Variants in CCDC85A observed in about 807,000 individuals in gnomAD.
The protein encoded by CCDC85A is coiled-coil domain-containing protein 85A.
A neutral mutation model predicts 50.2 loss-of-function variants in CCDC85A; 38 were observed. The ratio of observed to expected loss-of-function variants is 0.76; its 90% CI spans 0.58 to 0.99. The LOEUF (loss-of-function observed/expected upper bound fraction) is 0.99, where lower values mean the gene tolerates loss of function less well. CCDC85A is among the 50% of genes least tolerant of loss of function. The pLI is 0.00. For missense variants in CCDC85A, 820 were observed against 742.0 expected (o/e 1.11, Z -1.22); for synonymous variants, 366 against 301.4 (o/e 1.21, Z -2.22).
chr2:56,199,996 G>A (rs760253608), intron 2 of CCDC85A, among the ~76,000 whole-genome samples: 7 of 152,222 alleles, frequency 4.6e-5, no homozygotes, highest in African/African-American at 7.2e-5. Context: ...AGCTTCCTGA[G>A]TAGCTGGGAT....
At chr2:56,297,008 T>G (rs549041566) in intron 2 of CCDC85A, among the ~76,000 whole-genome samples, 1 of 152,328 alleles carries the variant, frequency 6.6e-6, no homozygotes, top group South Asian at 2.1e-4. Context: ...TTTAATCATT[T>G]TTATTGTATA....
intron 3 of CCDC85A, among the ~76,000 whole-genome samples, chr2:56,368,066 C>A (rs1202397196): frequency 6.6e-6 from 1 of 152,098 alleles, no homozygotes; most frequent in Non-Finnish European, 1.5e-5. Flanking sequence ...TCTCTTTCAA[C>A]AAAAATTCGT....
chr2:56,225,336 G>T (rs933529500), intron 2 of CCDC85A, among the ~76,000 whole-genome samples: 1 of 152,086 alleles, frequency 6.6e-6, no homozygotes, highest in Non-Finnish European at 1.5e-5. Flanking sequence ...TGAGGCAGGA[G>T]AATCACTTGA....
At chr2:56,294,246 A>G (rs1486226024) in intron 2 of CCDC85A, among the ~76,000 whole-genome samples, 4 of 152,116 alleles carry the variant, frequency 2.6e-5, no homozygotes, top group African/African-American at 4.8e-5. Flanking sequence ...ATGAGAACAC[A>G]TGGACACAAG....
intron 3 of CCDC85A, among the ~76,000 whole-genome samples, chr2:56,356,271 G>T (rs925543746): frequency 6.6e-6 from 1 of 152,208 alleles, no homozygotes; most frequent in African/African-American, 2.4e-5. Flanking sequence ...TTCTCACAAA[G>T]AGTTTTAAGC....
At chr2:56,373,821 A>G (rs979655097) in intron 4 of CCDC85A, among the ~76,000 whole-genome samples, 4 of 152,200 alleles carry the variant, frequency 2.6e-5, no homozygotes, top group Admixed American at 6.5e-5. Flanking sequence ...GAGTGGTACC[A>G]GGAGGAAAAG....
At chr2:56,257,421 G>C (rs968320203) in intron 2 of CCDC85A, among the ~76,000 whole-genome samples, 1 of 152,222 alleles carries the variant, frequency 6.6e-6, no homozygotes, top group Admixed American at 6.5e-5. Flanking sequence ...TGTTATGGTG[G>C]GATAGTGAAA....
chr2:56,384,626 G>T lies in CCDC85A; in HGVS notation c.*271G>T. The T allele has an allele frequency of 3.0e-6, 1 of 331,298 alleles. No homozygotes were observed. The allele number at this position is 331,298 out of a possible 1,614,324, so 20.5% of individuals were successfully genotyped here. ...GAGTAGCTTTGAAAATCAACATTTT[G>T]GTACCAGTGTTTTCATTAGAAATAA... On this transcript the variant is annotated 3_prime_UTR_variant, in exon 6 of 6. Coordinates refer to ENST00000407595, the MANE Select transcript of CCDC85A (RefSeq NM_001080433.2).
At chr2:56,270,030 T>C (rs1670630365) in intron 2 of CCDC85A, among the ~76,000 whole-genome samples, 1 of 152,188 alleles carries the variant, frequency 6.6e-6, no homozygotes, top group South Asian at 2.1e-4. Context: ...TCATTTTGTG[T>C]AGAAATAGCC....
At chr2:56,380,573 A>G (rs990612992) in intron 5 of CCDC85A, among the ~76,000 whole-genome samples, 2 of 151,894 alleles carry the variant, frequency 1.3e-5, no homozygotes, top group East Asian at 1.9e-4. Context: ...AAAAAAAACA[A>G]CAACAACAGG....
At chr2:56,352,225 T>G (rs1343727056) in intron 3 of CCDC85A, among the ~76,000 whole-genome samples, 1 of 152,238 alleles carries the variant, frequency 6.6e-6, no homozygotes, top group African/African-American at 2.4e-5. Context: ...ATAAATGTAA[T>G]ATATGCAATA....
intron 3 of CCDC85A, among the ~76,000 whole-genome samples, chr2:56,348,258 C>T (rs1674728848): frequency 6.6e-6 from 1 of 152,082 alleles, no homozygotes; most frequent in Non-Finnish European, 1.5e-5. Flanking sequence ...GCTCAGAGAC[C>T]CTCCCCAGAA....
At chr2:56,304,132 G>A (rs1187439255) in intron 2 of CCDC85A, among the ~76,000 whole-genome samples, 2 of 152,146 alleles carry the variant, frequency 1.3e-5, no homozygotes, top group African/African-American at 4.8e-5. Context: ...TGTTGTAAGT[G>A]CATTCTTATT....
At chr2:56,197,057 G>C (rs1443491469) in intron 2 of CCDC85A, among the ~76,000 whole-genome samples, 1 of 152,160 alleles carries the variant, frequency 6.6e-6, no homozygotes, top group Non-Finnish European at 1.5e-5. Flanking sequence ...GGTCCATTTA[G>C]AACTACTTTG....
intron 2 of CCDC85A, among the ~76,000 whole-genome samples, chr2:56,272,492 C>G (rs1670742087): frequency 6.6e-6 from 1 of 152,170 alleles, no homozygotes; most frequent in Non-Finnish European, 1.5e-5. Flanking sequence ...CTAACATGGT[C>G]ATGTGATATT....
intron 2 of CCDC85A, among the ~76,000 whole-genome samples, chr2:56,292,176 G>A (rs1671742961): frequency 6.6e-6 from 1 of 152,070 alleles, no homozygotes; most frequent in Admixed American, 6.5e-5. Flanking sequence ...TCCACCTCCT[G>A]GGTTCATGCC....
intron 2 of CCDC85A, among the ~76,000 whole-genome samples, chr2:56,319,327 A>G (rs1406924345): frequency 6.6e-6 from 1 of 152,038 alleles, no homozygotes; most frequent in East Asian, 1.9e-4. Flanking sequence ...ATTCAAACCC[A>G]GGCAGTCTAG....
At chr2:56,327,025 A>T (rs569007738) in intron 2 of CCDC85A, among the ~76,000 whole-genome samples, 14 of 152,224 alleles carry the variant, frequency 9.2e-5, no homozygotes, top group African/African-American at 3.1e-4. Context: ...GATGTGCTTT[A>T]TTCTTTTTCT....
At chr2:56,329,945 GTTTTTTTTTTTTTT>G (rs535050957) in intron 2 of CCDC85A, among the ~76,000 whole-genome samples, 129 of 44,164 alleles carry the variant, frequency 2.9e-3, no homozygotes, top group African/African-American at 7.6e-3. Flanking sequence ...CAGATTTCCT[GTTTTTTTTTTTTTT>G]TTTTTTTTTT....
Sources: gnomAD v4.1 joint callset for allele counts (sites outside exome capture counted in the v4.1 genomes callset) on GRCh38, gnomAD v4.1.1 for gene constraint, MANE v1.5 for transcripts, NCBI Gene and HGNC (gene_info 2026-07-23, HGNC 2026-07-21) for gene names.